GTF2A2: variants seen among roughly 807,000 people sequenced by gnomAD.
GTF2A2 encodes the protein general transcription factor IIA subunit 2.
In GTF2A2, 9 loss-of-function variants were observed where a neutral mutation model predicts 14.3. The ratio of observed to expected loss-of-function variants is 0.63; its 90% CI spans 0.38 to 1.10. GTF2A2 has a LOEUF of 1.10. Among genes scored for constraint, GTF2A2 ranks in the 50% least tolerant of loss-of-function variants. GTF2A2 has a pLI of 0.01. For synonymous variants in GTF2A2, 56 were observed against 46.0 expected (o/e 1.22, Z -0.88); for missense variants, 90 against 124.6 (o/e 0.72, Z 1.32).
chr15:59,651,634 G>T (rs1198966142), intron 2 of GTF2A2: 1 of 152,164 alleles, frequency 6.6e-6, no homozygotes, highest in Non-Finnish European at 1.5e-5. Flanking sequence ...CTAAATTTGA[G>T]AAGGGGGAAA....
At chr15:59,645,775 C>T (rs898500639) in intron 3 of GTF2A2, among the ~76,000 whole-genome samples, 1 of 152,050 alleles carries the variant, frequency 6.6e-6, no homozygotes, top group Non-Finnish European at 1.5e-5. Context: ...GTGGCTCACA[C>T]CTGTAATCCC....
intron 4 of GTF2A2, among the ~76,000 whole-genome samples, chr15:59,641,305 C>T (rs187706650): frequency 1.3e-5 from 2 of 151,374 alleles, no homozygotes; most frequent in South Asian, 2.1e-4. Flanking sequence ...TTACAGAGAA[C>T]GTTTTTCTTC....
intron 4 of GTF2A2, among the ~76,000 whole-genome samples, chr15:59,639,646 G>T (rs1385737767): frequency 6.7e-6 from 1 of 150,206 alleles, no homozygotes; most frequent in Non-Finnish European, 1.5e-5. Context: ...GTACTTTAGA[G>T]ACGGGGTTTC....
At chr15:59,639,543 C>T (rs1891321283) in intron 4 of GTF2A2, among the ~76,000 whole-genome samples, 1 of 149,188 alleles carries the variant, frequency 6.7e-6, no homozygotes, top group Non-Finnish European at 1.5e-5. Flanking sequence ...TCACTGCAGG[C>T]TCTGCCCCCC....
chr15:59,640,500 C>G (rs1201157473), intron 4 of GTF2A2, among the ~76,000 whole-genome samples: 4 of 152,118 alleles, frequency 2.6e-5, no homozygotes, highest in Non-Finnish European at 4.4e-5. Flanking sequence ...CCATATGTGG[C>G]TAAATTCAAA....
In GTF2A2 at chr15:59,639,042, A is replaced by T; in HGVS notation, c.*90T>A. On this transcript the variant is annotated 3_prime_UTR_variant, in exon 5 of 5. Transcript: ENST00000396060. ...ATAGCACAGTGTAGTCATTTCTGCA[A>T]TTCTAGAATAAATAAAAAGTCTCTT... 1.2e-6 allele frequency: 1 copy of T among 800,160 alleles called. No individual in the cohort carries two copies. Among genetic ancestry groups the T allele is most frequent in the South Asian group, 1.4e-5 (1 of 71,338 alleles). 49.6% of individuals were successfully genotyped at this position (800,160 alleles called of 1,614,324 possible).
At chr15:59,655,707 T>C (rs1891922973) in intron 1 of GTF2A2, among the ~76,000 whole-genome samples, 2 of 152,218 alleles carry the variant, frequency 1.3e-5, no homozygotes, top group Admixed American at 6.5e-5. Context: ...TCATATAGCA[T>C]AGAACTTCTC....
chr15:59,644,966 T>A (rs774420101), intron 3 of GTF2A2, among the ~76,000 whole-genome samples: 2 of 152,168 alleles, frequency 1.3e-5, no homozygotes, highest in Non-Finnish European at 2.9e-5. Context: ...AGACCAACTA[T>A]GAAGCTGATG....
At position 59,638,556 on chromosome 15, in the gene GTF2A2, G is replaced by C. The variant is rs1233623066; in HGVS notation, c.*576C>G. 2 of 152,110 alleles carry C rather than the reference G, an allele frequency of 1.3e-5. No homozygotes were observed. Among genetic ancestry groups the C allele is most frequent in the African/African-American group, 2.4e-5 (1 of 41,250 alleles). The allele number at this position is 152,110 out of a possible 1,614,324, so 9.4% of individuals were successfully genotyped here. Reference sequence around the variant, plus strand: ...TCCTCATGTTACCTGGTCTAAGAAGGAAAGTTTTTTGGTTTTGTTTTTGCT... The same window carrying C: ...TCCTCATGTTACCTGGTCTAAGAAGCAAAGTTTTTTGGTTTTGTTTTTGCT... On this transcript the variant is annotated 3_prime_UTR_variant, in exon 5 of 5. Transcript: ENST00000396060.
intron 1 of GTF2A2, among the ~76,000 whole-genome samples, chr15:59,655,395 G>T (rs1891913087): frequency 6.6e-6 from 1 of 152,164 alleles, no homozygotes; most frequent in Admixed American, 6.5e-5. Context: ...GTTGGTGAAG[G>T]TCATCAATGG....
At chr15:59,656,472 ATT>A (rs2141970233) in intron 1 of GTF2A2, among the ~76,000 whole-genome samples, 1 of 148,942 alleles carries the variant, frequency 6.7e-6, no homozygotes, top group South Asian at 2.1e-4. Context: ...ACCATTATAT[ATT>A]TTATTTTCTG....
intron 1 of GTF2A2, among the ~76,000 whole-genome samples, chr15:59,656,094 C>A (rs1378570929): frequency 6.6e-6 from 1 of 152,192 alleles, no homozygotes; most frequent in Non-Finnish European, 1.5e-5. Context: ...TCAAAATCTC[C>A]CATGGCTTCT....
Position 59,638,997 on chromosome 15 carries a change from T to TTCTACTGGAATTCTCTGGTATAGCA in GTF2A2, c.*110_*134dup, listed in dbSNP as rs1191812121. ...AGAGGCTACAGAGTTACAAGTTTCT[T>TTCTACTGGAATTCTCTGGTATAGCA]TCTACTGGAATTCTCTGGTATAGCA... On this transcript the variant is annotated 3_prime_UTR_variant, in exon 5 of 5. Coordinates refer to ENST00000396060, the MANE Select transcript of GTF2A2 (RefSeq NM_004492.3). 7.5e-5 allele frequency: 48 copies of TTCTACTGGAATTCTCTGGTATAGCA among 643,728 alleles called. No individual in the cohort carries two copies. Among genetic ancestry groups the TTCTACTGGAATTCTCTGGTATAGCA allele is most frequent in the Non-Finnish European group, 1.3e-4 (45 of 353,122 alleles). 39.9% of individuals were successfully genotyped at this position (643,728 alleles called of 1,614,324 possible).
chr15:59,650,579 A>G, intron 3 of GTF2A2, 90 bp downstream of exon 3: 1 of 686,734 alleles, frequency 1.5e-6, no homozygotes, highest in Non-Finnish European at 2.5e-6. Flanking sequence ...TCTTCCTCTT[A>G]TGATTAATAA....
intron 4 of GTF2A2, 151 bp from the exon 5 acceptor site, chr15:59,639,308 T>C (rs1055446248): frequency 3.1e-6 from 2 of 638,382 alleles, no homozygotes; most frequent in South Asian, 1.7e-5. Context: ...AAGGTGACAC[T>C]GTAAATATGT....
In GTF2A2 at chr15:59,642,161, C is replaced by T. The variant is rs1891450583; in HGVS notation, c.279G>A (p.Val93=). Residue 93 remains valine, a synonymous_variant, in exon 4 of 5, where the codon GTG becomes GTA. Coordinates refer to ENST00000396060, the MANE Select transcript of GTF2A2 (RefSeq NM_004492.3). ...EVTELIKVDK[V]KIVACDGKNT... is the part of the protein sequence containing the mutation. ...TTTTACCATCACAGGCTACAATTTT[C>T]ACTTTATCCACTTTAATAAGTTCTG... The T allele has an allele frequency of 1.2e-6, 2 of 1,607,034 alleles. No individual in the cohort carries two copies. Among genetic ancestry groups the T allele is most frequent in the Non-Finnish European group, 8.5e-7 (1 of 1,177,092 alleles).
intron 3 of GTF2A2, among the ~76,000 whole-genome samples, chr15:59,647,777 C>T (rs1237452305): frequency 2.6e-5 from 4 of 151,112 alleles, no homozygotes; most frequent in African/African-American, 9.7e-5. Flanking sequence ...ACTGTGTTGG[C>T]CAGTCTGGTC....
intron 1 of GTF2A2, among the ~76,000 whole-genome samples, chr15:59,653,623 T>G (rs1891859189): frequency 6.6e-6 from 1 of 152,092 alleles, no homozygotes; most frequent in African/African-American, 2.4e-5. Flanking sequence ...CTCTCTTAGT[T>G]ACCTCATCCA....
At chr15:59,651,445 G>A (rs185670265) in intron 2 of GTF2A2, 1 of 152,330 alleles carries the variant, frequency 6.6e-6, no homozygotes, top group East Asian at 1.9e-4. Flanking sequence ...CCAAAGTGCT[G>A]GGATTACAGT....
Sources: allele counts gnomAD v4.1 joint callset (sites outside exome capture counted in the v4.1 genomes callset), GRCh38; gene constraint gnomAD v4.1.1; transcripts MANE v1.5; gene names NCBI Gene and HGNC (gene_info 2026-07-23, HGNC 2026-07-21).